Variants in SLFN12L observed in about 807,000 individuals in gnomAD.
The protein encoded by SLFN12L is schlafen family member 12-like.
A neutral mutation model predicts 34.8 loss-of-function variants in SLFN12L; 34 were observed. The ratio of observed to expected loss-of-function variants is 0.98; its 90% CI spans 0.74 to 1.30. SLFN12L has a LOEUF of 1.30. Ranked by LOEUF, SLFN12L falls within the 50% of genes most tolerant of loss-of-function variation. The pLI is 0.00. For missense variants in SLFN12L, 703 were observed against 696.2 expected, an observed-to-expected ratio of 1.01 and a Z score of -0.11; for synonymous variants, 259 against 247.5, an observed-to-expected ratio of 1.05 and a Z score of -0.44.
chr17:35,471,859 CTTCTT>C lies in SLFN12L; in HGVS notation c.*3059_*3063del, dbSNP rs1913814819. Among the ~76,000 whole-genome samples, 1 of 151,904 alleles carries C rather than the reference CTTCTT, an allele frequency of 6.6e-6. No individual in the cohort carries two copies. The highest frequency in any genetic ancestry group is 2.4e-5 in the African/African-American group (1 of 41,332). On this transcript the variant is annotated 3_prime_UTR_variant, in exon 5 of 5. Coordinates refer to ENST00000628453, the MANE Select transcript of SLFN12L (RefSeq NM_001363830.2). Reference sequence around the variant, plus strand: ...ATACGTTTGTTGGCTGTATAAATGTCTTCTTTTGAGAAATGTCTATTCATATCCTT... The same window carrying C: ...ATACGTTTGTTGGCTGTATAAATGTCTTGAGAAATGTCTATTCATATCCTT...
At chr17:35,494,387 AG>A (rs1347921764) in intron 2 of SLFN12L, among the ~76,000 whole-genome samples, 2 of 152,226 alleles carry the variant, frequency 1.3e-5, no homozygotes, top group African/African-American at 4.8e-5. Flanking sequence ...TAAGAAAAAA[AG>A]AAATATCCTT....
chr17:35,496,778 C>A (rs561948615), intron 2 of SLFN12L, among the ~76,000 whole-genome samples: 2 of 152,308 alleles, frequency 1.3e-5, no homozygotes, highest in South Asian at 2.1e-4. Context: ...CTTCTCTTTG[C>A]GCCTCCCCAG....
At chr17:35,498,655 A>G (rs1915184386) in intron 2 of SLFN12L, 1 of 1,603,310 alleles carries the variant, frequency 6.2e-7, no homozygotes, top group Admixed American at 1.7e-5. Context: ...CAAACCATCC[A>G]GGACATCCTA....
intron 1 of SLFN12L, among the ~76,000 whole-genome samples, chr17:35,529,487 C>T (rs2072369565): frequency 6.6e-6 from 1 of 152,170 alleles, no homozygotes; most frequent in Non-Finnish European, 1.5e-5. Context: ...AAATGTGGCA[C>T]ATATACACCA....
At position 35,530,419 on chromosome 17, in the gene SLFN12L, AAGGAAGGAAGGGAAGGGAAGGG is replaced by A. The variant is rs1269314833; in HGVS notation, c.-606+7132_-606+7153del. On this transcript the variant is annotated intron_variant, in intron 1 of 4. Coordinates refer to ENST00000628453, the MANE Select transcript of SLFN12L (RefSeq NM_001363830.2). ...GAAGGAAGGAAGGAAGGAAGGAAGG[AAGGAAGGAAGGGAAGGGAAGGG>A]AAGAAAGAAAGAAAGAAAGAAAGAA... Among the ~76,000 whole-genome samples, 80 of 18,406 alleles carry A rather than the reference AAGGAAGGAAGGGAAGGGAAGGG, an allele frequency of 4.3e-3. 4 individuals are homozygous for A. Among genetic ancestry groups the A allele is most frequent in the African/African-American group, 0.011 (62 of 5,876 alleles). The allele number at this position is 18,406 out of a possible 152,430, so 12.1% of individuals were successfully genotyped here.
chr17:35,515,084 C>T, intron 2 of SLFN12L: 2 of 626,264 alleles, frequency 3.2e-6, no homozygotes, highest in South Asian at 2.7e-5. Flanking sequence ...GACGCCTATT[C>T]TTTAAGTTGG....
In SLFN12L at chr17:35,495,900, AACACACACACACACACACACACACACAC is replaced by A. The variant is rs58553128; in HGVS notation, c.87-15733_87-15706del. ...CAGAAGCTGGAGAAAGCCGATTTGAAACACACACACACACACACACACACACACACACACACACACACACACAACAAAA... is the reference window on the plus strand; with the variant it reads ...CAGAAGCTGGAGAAAGCCGATTTGAAACACACACACACACACACAACAAAA... On this transcript the variant is annotated intron_variant, in intron 2 of 4. Transcript: ENST00000628453. 8.7e-5 allele frequency among the ~76,000 whole-genome samples: 12 copies of A among 138,064 alleles called. No individual in the cohort carries two copies. In the South Asian group the frequency reaches 2.4e-3, roughly 28 times the overall value. 90.6% of individuals were successfully genotyped at this position (138,064 alleles called of 152,430 possible).
rs1410820483 is a variant in SLFN12L, at chr17:35,471,887, C to T, written c.*3036G>A. Among the ~76,000 whole-genome samples the T allele has an allele frequency of 6.6e-6, 1 of 151,992 alleles. No homozygotes were observed. Among genetic ancestry groups the T allele is most frequent in the African/African-American group, 2.4e-5 (1 of 41,360 alleles). The stretch of plus-strand genomic sequence containing the variant: ...CTTTTGAGAAATGTCTATTCATATC[C>T]TTTATCCACTTTTCAATGGGGTTGT... On this transcript the variant is annotated 3_prime_UTR_variant, in exon 5 of 5. Transcript: ENST00000628453.
chr17:35,495,682 C>G (rs895396865), intron 2 of SLFN12L, among the ~76,000 whole-genome samples: 1 of 150,614 alleles, frequency 6.6e-6, no homozygotes, highest in Non-Finnish European at 1.5e-5. Context: ...CCCCACCCCA[C>G]CCCCACCAGT....
rs1168537322 is a variant in SLFN12L at position 35,487,980 on chromosome 17, G to A, written c.87-7785C>T. ...TCCCAGCACTTTGGGAGGCTGAGGA[G>A]GGTGGATCACCAGCTTAGGAGATAG... On this transcript the variant is annotated intron_variant, in intron 2 of 4. Coordinates refer to ENST00000628453, the MANE Select transcript of SLFN12L (RefSeq NM_001363830.2). 5 of 673,958 alleles carry A rather than the reference G, an allele frequency of 7.4e-6. No homozygotes were observed. In the Admixed American group the frequency reaches 1.0e-4, roughly 14 times the overall value. The allele number at this position is 673,958 out of a possible 1,614,324, so 41.7% of individuals were successfully genotyped here.
chr17:35,515,048 C>G, intron 2 of SLFN12L: 1 of 576,882 alleles, frequency 1.7e-6, no homozygotes, highest in Non-Finnish European at 3.4e-6. Flanking sequence ...ACTCCTCGGC[C>G]AGCTTCTGTT....
intron 2 of SLFN12L, among the ~76,000 whole-genome samples, chr17:35,487,482 A>G (rs1328970244): frequency 2.1e-5 from 3 of 142,022 alleles, no homozygotes; most frequent in Non-Finnish European, 3.1e-5. Flanking sequence ...CCCCCCCCGG[A>G]CCCCCGGAAT....
At position 35,490,995 on chromosome 17, in the gene SLFN12L, G is replaced by T. The variant is rs577707708; in HGVS notation, c.87-10800C>A. 7 of 787,974 alleles carry T rather than the reference G, an allele frequency of 8.9e-6. 1 individual carries two copies. The South Asian group carries it at 9.4e-5, about 11-fold the overall frequency. The allele number at this position is 787,974 out of a possible 1,614,324, so 48.8% of individuals were successfully genotyped here. ...CATAGCGATTGCTCAATTTCTATGGGAAACCTTTCTCCTCCGGCCTCCCCA... is the reference window on the plus strand; with the variant it reads ...CATAGCGATTGCTCAATTTCTATGGTAAACCTTTCTCCTCCGGCCTCCCCA... On this transcript the variant is annotated intron_variant, in intron 2 of 4. Coordinates refer to ENST00000628453, the MANE Select transcript of SLFN12L (RefSeq NM_001363830.2).
At chr17:35,478,657 C>A (rs1253661590) in intron 3 of SLFN12L, among the ~76,000 whole-genome samples, 1 of 152,086 alleles carries the variant, frequency 6.6e-6, no homozygotes, top group Non-Finnish European at 1.5e-5. Flanking sequence ...CTTATTGGTA[C>A]AATTTAGGTT....
rs1913839477 is a variant in SLFN12L, at chr17:35,473,342, TGA to T, written c.*1579_*1580del. Among the ~76,000 whole-genome samples the T allele has an allele frequency of 2.0e-5, 3 of 152,242 alleles. No homozygotes were observed. Among genetic ancestry groups the T allele is most frequent in the Admixed American group, 2.0e-4 (3 of 15,286 alleles). On this transcript the variant is annotated 3_prime_UTR_variant, in exon 5 of 5. Coordinates refer to ENST00000628453, the MANE Select transcript of SLFN12L (RefSeq NM_001363830.2). ...TATGTTTCATCAATACCCAGTTTAT[TGA>T]GAGTTTTTAACATAAAGGGATGTTG... is the stretch of plus-strand genomic sequence containing the variant.
At chr17:35,490,065 G>GCGC in intron 2 of SLFN12L, 1 of 1,606,422 alleles carries the variant, frequency 6.2e-7, no homozygotes, top group South Asian at 1.1e-5. Context: ...CTCCAAAGCG[G>GCGC]CGCCGTAGCC....
rs2142118802 is a variant in SLFN12L at position 35,469,761 on chromosome 17, A to G, written c.*5162T>C. Among the ~76,000 whole-genome samples, 1 of 152,228 alleles carries G rather than the reference A, an allele frequency of 6.6e-6. No homozygotes were observed. The highest frequency in any genetic ancestry group is 1.9e-4 in the East Asian group (1 of 5,186). ...AGAGCTCATACTCTAAGCTACTCAC[A>G]CATCGAGCCAATATTTTCCCTACCC... On this transcript the variant is annotated 3_prime_UTR_variant, in exon 5 of 5. Transcript: ENST00000628453.
At chr17:35,502,598 GAA>G (rs35043538) in intron 2 of SLFN12L, among the ~76,000 whole-genome samples, 4 of 139,358 alleles carry the variant, frequency 2.9e-5, no homozygotes, top group Non-Finnish European at 3.1e-5. Flanking sequence ...GCAATTGAAG[GAA>G]AAAAAAAAAA....
At chr17:35,489,979 A>G in intron 2 of SLFN12L, 1 of 1,527,060 alleles carries the variant, frequency 6.5e-7, no homozygotes. Context: ...AACCCTTAGC[A>G]AATTGGGAAT....
Sources: gnomAD v4.1 joint callset for allele counts (sites outside exome capture counted in the v4.1 genomes callset) on GRCh38, gnomAD v4.1.1 for gene constraint, MANE v1.5 for transcripts, NCBI Gene and HGNC (gene_info 2026-07-23, HGNC 2026-07-21) for gene names.